Variants in TMEM132D observed in about 807,000 individuals in gnomAD.
TMEM132D encodes transmembrane protein 132D, also known as mature OL transmembrane protein.
Under a neutral mutation model 62.3 loss-of-function variants are expected in TMEM132D, and 21 were observed. The observed-to-expected ratio is 0.34, with a 90% CI of 0.24 to 0.49. The LOEUF is 0.49. Among genes scored for constraint, TMEM132D ranks in the 20% least tolerant of loss-of-function variants. The probability of loss-of-function intolerance (pLI) is 0.99; values close to 1 mark genes in which losing one functional copy is unlikely to be tolerated. For missense variants in TMEM132D, 1,346 were observed against 1,402.8 expected (o/e 0.96, Z 0.65); for synonymous variants, 621 against 575.6 (o/e 1.08, Z -1.13).
chr12:129,314,636 G>GT (rs1868421753), intron 4 of TMEM132D, among the ~76,000 whole-genome samples: 1 of 152,150 alleles, frequency 6.6e-6, no homozygotes, highest in Admixed American at 6.5e-5. Flanking sequence ...TTTTAGAATT[G>GT]TTTTTTCTAA....
intron 4 of TMEM132D, among the ~76,000 whole-genome samples, chr12:129,290,177 C>G (rs555583637): frequency 6.6e-6 from 1 of 152,030 alleles, no homozygotes; most frequent in Non-Finnish European, 1.5e-5. Context: ...ATGAAAAGTT[C>G]GCAAGAGAGT....
chr12:129,872,245 T>C (rs1874270992), intron 1 of TMEM132D, among the ~76,000 whole-genome samples: 1 of 152,194 alleles, frequency 6.6e-6, no homozygotes, highest in African/African-American at 2.4e-5. Context: ...CCAATCTCTT[T>C]TTCCTGATAG....
chr12:129,654,941 T>C (rs1393725949), intron 2 of TMEM132D, among the ~76,000 whole-genome samples: 1 of 152,048 alleles, frequency 6.6e-6, no homozygotes, highest in Non-Finnish European at 1.5e-5. Context: ...TTCCTTGAAT[T>C]CCTTTTCTTT....
chr12:129,139,270 A>G (rs1212053011), intron 5 of TMEM132D, among the ~76,000 whole-genome samples: 1 of 152,182 alleles, frequency 6.6e-6, no homozygotes, highest in Non-Finnish European at 1.5e-5. Flanking sequence ...GACTTCAAAG[A>G]AAGTGTGTGT....
chr12:129,512,937 G>T (rs1465485398), intron 3 of TMEM132D, among the ~76,000 whole-genome samples: 1 of 152,202 alleles, frequency 6.6e-6, no homozygotes, highest in African/African-American at 2.4e-5. Flanking sequence ...GCATTCAAAA[G>T]GAGGGTTATT....
chr12:129,849,077 G>A (rs1277355156), intron 1 of TMEM132D, among the ~76,000 whole-genome samples: 2 of 152,154 alleles, frequency 1.3e-5, no homozygotes, highest in African/African-American at 4.8e-5. Context: ...ATGTTCCAGA[G>A]AAAAACACAT....
chr12:129,534,057 C>T (rs1007605903), intron 2 of TMEM132D, among the ~76,000 whole-genome samples: 4 of 152,174 alleles, frequency 2.6e-5, no homozygotes, highest in Non-Finnish European at 4.4e-5. Flanking sequence ...TAAAGTAGTT[C>T]CTAGAACACA....
At chr12:129,574,163 A>G (rs555206318) in intron 2 of TMEM132D, among the ~76,000 whole-genome samples, 2 of 152,102 alleles carry the variant, frequency 1.3e-5, no homozygotes, top group South Asian at 4.1e-4. Flanking sequence ...TTATGCTTGC[A>G]TCTTACTTTG....
intron 2 of TMEM132D, 92 bp from the exon 3 acceptor site, chr12:129,531,297 C>T (rs1377423691): frequency 2.4e-5 from 35 of 1,437,334 alleles, no homozygotes; most frequent in African/African-American, 4.2e-5. Context: ...AATTGCTCAC[C>T]GTTGCCTGGC....
At chr12:129,825,344 G>A (rs1593176754) in intron 1 of TMEM132D, among the ~76,000 whole-genome samples, 2 of 152,042 alleles carry the variant, frequency 1.3e-5, no homozygotes, top group South Asian at 4.1e-4. Context: ...GTGTCTCCCT[G>A]GGTGGGCGAC....
intron 4 of TMEM132D, among the ~76,000 whole-genome samples, chr12:129,278,657 T>G (rs570693154): frequency 6.6e-6 from 1 of 152,154 alleles, no homozygotes; most frequent in Non-Finnish European, 1.5e-5. Context: ...AGAACTTCTG[T>G]GGGCTTTGGC....
intron 3 of TMEM132D, among the ~76,000 whole-genome samples, chr12:129,383,550 G>A (rs2139801): frequency 0.43 from 65,930 of 151,922 alleles, 14,459 homozygotes; most frequent in Middle Eastern, 0.5. Context: ...CCTGGGTTCT[G>A]GTGATTCTCC....
intron 1 of TMEM132D, among the ~76,000 whole-genome samples, chr12:129,706,285 GAATA>G (rs1161643545): frequency 1.3e-5 from 2 of 151,706 alleles, no homozygotes; most frequent in Non-Finnish European, 2.9e-5. Context: ...AAAAATTAAT[GAATA>G]AATAAACAAC....
At chr12:129,354,315 G>GTATATATATATATATATATATATA (rs35875993) in intron 3 of TMEM132D, among the ~76,000 whole-genome samples, 10 of 147,946 alleles carry the variant, frequency 6.8e-5, no homozygotes, top group African/African-American at 2.3e-4. Flanking sequence ...ACTTTATTGG[G>GTATATATATATATATATATATATA]TATATATATA....
chr12:129,446,863 G>A (rs190376788), intron 3 of TMEM132D, among the ~76,000 whole-genome samples: 1 of 152,190 alleles, frequency 6.6e-6, no homozygotes, highest in East Asian at 1.9e-4. Flanking sequence ...TAATCAACTC[G>A]CCTGGCCGTG....
chr12:129,789,526 T>C (rs1871341198), intron 1 of TMEM132D, among the ~76,000 whole-genome samples: 1 of 152,204 alleles, frequency 6.6e-6, no homozygotes, highest in Non-Finnish European at 1.5e-5. Context: ...ATATGCAATA[T>C]ACACCGTGGA....
intron 5 of TMEM132D, among the ~76,000 whole-genome samples, chr12:129,172,197 T>C (rs1238211158): frequency 6.6e-6 from 1 of 152,254 alleles, no homozygotes; most frequent in Non-Finnish European, 1.5e-5. Flanking sequence ...AACCAATGTC[T>C]GCTAGCTTCC....
intron 2 of TMEM132D, among the ~76,000 whole-genome samples, chr12:129,678,350 T>G (rs1880691454): frequency 6.6e-6 from 1 of 152,194 alleles, no homozygotes; most frequent in Non-Finnish European, 1.5e-5. Flanking sequence ...AATATGGTAA[T>G]TATAACATTG....
At chr12:129,233,406 A>C (rs1299080407) in intron 4 of TMEM132D, among the ~76,000 whole-genome samples, 1 of 152,238 alleles carries the variant, frequency 6.6e-6, no homozygotes, top group East Asian at 1.9e-4. Flanking sequence ...ACCCTTTGAA[A>C]ATTATGTTCT....
Sources: gnomAD v4.1 joint callset for allele counts (sites outside exome capture counted in the v4.1 genomes callset) on GRCh38, gnomAD v4.1.1 for gene constraint, MANE v1.5 for transcripts, NCBI Gene and HGNC (gene_info 2026-07-23, HGNC 2026-07-21) for gene names.